Variants in TUBGCP3 observed in about 807,000 individuals in gnomAD.
TUBGCP3 encodes the protein tubulin gamma complex component 3, also known as gamma-tubulin complex component 3.
A neutral mutation model predicts 123.1 loss-of-function variants in TUBGCP3; 50 were observed. The observed-to-expected ratio is 0.41, with a 90% CI of 0.32 to 0.51. The LOEUF is 0.51. Among genes scored for constraint, TUBGCP3 ranks in the 20% least tolerant of loss-of-function variants. The pLI, the probability that TUBGCP3 is intolerant of heterozygous loss-of-function variation, is 0.36. For missense variants in TUBGCP3, 882 were observed against 1,127.0 expected, an observed-to-expected ratio of 0.78 and a Z score of 3.11; for synonymous variants, 405 against 413.9, an observed-to-expected ratio of 0.98 and a Z score of 0.26.
chr13:112,504,745 A>C (rs1271077135), intron 17 of TUBGCP3, 31 bp from the exon 18 acceptor site: 8 of 1,571,538 alleles, frequency 5.1e-6, no homozygotes, highest in Non-Finnish European at 7.0e-6. Flanking sequence ...TCAGAGGTGC[A>C]ATGCAAGTAC....
chr13:112,552,400 C>T (rs552156130), intron 8 of TUBGCP3, among the ~76,000 whole-genome samples: 1 of 152,342 alleles, frequency 6.6e-6, no homozygotes, highest in East Asian at 1.9e-4. Context: ...CCTGAGGGGA[C>T]GGCCCACCAG....
At chr13:112,551,629 A>G (rs974653962) in intron 8 of TUBGCP3, among the ~76,000 whole-genome samples, 1 of 152,214 alleles carries the variant, frequency 6.6e-6, no homozygotes, top group African/African-American at 2.4e-5. Flanking sequence ...ACCCTAGTCC[A>G]TACCTGCCAT....
intron 11 of TUBGCP3, among the ~76,000 whole-genome samples, chr13:112,535,075 C>T (rs961052085): frequency 6.6e-6 from 1 of 152,190 alleles, no homozygotes; most frequent in Non-Finnish European, 1.5e-5. Context: ...CTTCACAGAG[C>T]ACAATGTTCT....
intron 1 of TUBGCP3, among the ~76,000 whole-genome samples, chr13:112,572,534 C>T (rs1881491910): frequency 6.6e-6 from 1 of 151,956 alleles, no homozygotes; most frequent in African/African-American, 2.4e-5. Context: ...TTCTGTTGAT[C>T]ACTAATTTCA....
rs147808024 is a variant in TUBGCP3, at chr13:112,553,998, T to G, written c.966+59A>C. The G allele has an allele frequency of 3.4e-4, 539 of 1,575,224 alleles. 5 individuals are homozygous for G. The East Asian group carries it at 0.011, about 31-fold the overall frequency. On this transcript the variant is annotated intron_variant, in intron 8 of 21. Transcript: ENST00000261965. ...AGCTATTTCACAGTAAGATTTCAAC[T>G]AGAGTAAGCGTTTCCCAAAGTGCGC...
At position 112,514,576 on chromosome 13, in the gene TUBGCP3, T is replaced by C. The variant is rs1875918492; in HGVS notation, c.2086+1864A>G. 3.3e-5 allele frequency among the ~76,000 whole-genome samples: 5 copies of C among 152,238 alleles called. No homozygotes were observed. The South Asian group carries it at 1.0e-3, about 31-fold the overall frequency. ...TGAAATGAACTTCCATTTTCACCTA[T>C]GAATTGACAATTTATTTGAATTAAT... On this transcript the variant is annotated intron_variant, in intron 17 of 21. Transcript: ENST00000261965.
Position 112,556,043 on chromosome 13 carries a change from C to T in TUBGCP3, c.721+9G>A. On this transcript the variant is annotated intron_variant, in intron 6 of 21. Transcript: ENST00000261965. Reference sequence around the variant, plus strand: ...CAGAAAAGCTGTATTAACATAGATCCTTACTCACCACCCGTATCCCCTTCT... The same window carrying T: ...CAGAAAAGCTGTATTAACATAGATCTTTACTCACCACCCGTATCCCCTTCT... The T allele has an allele frequency of 6.2e-7, 1 of 1,609,504 alleles. No homozygotes were observed. Among genetic ancestry groups the T allele is most frequent in the African/African-American group, 1.3e-5 (1 of 74,960 alleles).
chr13:112,563,139 C>A (rs1229631457), intron 3 of TUBGCP3, among the ~76,000 whole-genome samples: 1 of 152,232 alleles, frequency 6.6e-6, no homozygotes, highest in African/African-American at 2.4e-5. Flanking sequence ...CCCGTCTCCA[C>A]GTCAACCTGG....
chr13:112,578,517 C>T (rs984016042), intron 1 of TUBGCP3, among the ~76,000 whole-genome samples: 2 of 133,968 alleles, frequency 1.5e-5, no homozygotes, highest in African/African-American at 6.0e-5. Flanking sequence ...CGGGATAGCG[C>T]CACTGCAGTC....
At chr13:112,598,530 G>A in the TUBGCP3 span, among the ~76,000 whole-genome samples, 3 of 152,246 alleles carry the variant, frequency 2.0e-5, no homozygotes, top group East Asian at 5.8e-4. Context: ...CCTTTGAAAT[G>A]TCCTAAAAGA....
intron 10 of TUBGCP3, 170 bp downstream of exon 10, chr13:112,547,450 A>C: frequency 2.6e-6 from 3 of 1,163,004 alleles, no homozygotes; most frequent in Non-Finnish European, 3.3e-6. Context: ...ACACAAAAGC[A>C]AGCCTGGATG....
At chr13:112,580,614 C>T (rs751321044) in intron 1 of TUBGCP3, among the ~76,000 whole-genome samples, 5 of 152,156 alleles carry the variant, frequency 3.3e-5, no homozygotes, top group Non-Finnish European at 7.3e-5. Context: ...AATTTCAGAA[C>T]ATGCAGGATT....
the TUBGCP3 span, among the ~76,000 whole-genome samples, chr13:112,598,753 G>A: frequency 6.6e-6 from 1 of 151,984 alleles, no homozygotes. Context: ...GACCATCCTG[G>A]CTAACATGGT....
upstream of TUBGCP3, among the ~76,000 whole-genome samples, chr13:112,588,628 G>A (rs1405695402): frequency 6.6e-6 from 1 of 152,160 alleles, no homozygotes; most frequent in Non-Finnish European, 1.5e-5. Context: ...GGGTAACTGG[G>A]ACGTCCTGGG....
intron 11 of TUBGCP3, among the ~76,000 whole-genome samples, chr13:112,542,093 T>C (rs1483268847): frequency 6.6e-6 from 1 of 151,784 alleles, no homozygotes; most frequent in African/African-American, 2.4e-5. Context: ...GTATTTCTCA[T>C]AAATCTACAC....
intron 10 of TUBGCP3, 57 bp downstream of exon 10, chr13:112,547,563 C>T (rs772419217): frequency 4.5e-6 from 6 of 1,340,016 alleles, no homozygotes; most frequent in Admixed American, 2.8e-5. Context: ...GTGGGAAAGT[C>T]GCGCGTGGGA....
At chr13:112,509,367 T>C (rs950803367) in intron 17 of TUBGCP3, among the ~76,000 whole-genome samples, 1 of 152,322 alleles carries the variant, frequency 6.6e-6, no homozygotes, top group African/African-American at 2.4e-5. Context: ...CAGGGAGCAC[T>C]AAGTGGGCCC....
Position 112,556,138 on chromosome 13 carries a change from G to A in TUBGCP3, c.635C>T (p.Pro212Leu), listed in dbSNP as rs1478274169. The A allele has an allele frequency of 6.2e-7, 1 of 1,614,054 alleles. No individual in the cohort carries two copies. The highest frequency in any genetic ancestry group is 8.5e-7 in the Non-Finnish European group (1 of 1,179,986). ...TTTTGAGGTAGTGGCTTGTGAAGAA[G>A]GCTGATTTGCAGTTAAAGTCCATGC... ...RLAWTLTANQPSSQATTSKGV... is the reference protein window; with the variant it reads ...RLAWTLTANQLSSQATTSKGV... The change falls in exon 6 of 22, where the codon CCT becomes CTT. Residue 212 changes from proline (P) to leucine (L), a missense_variant. Around this residue, in one of 3 missense-constraint regions of TUBGCP3, gnomAD observed 713 missense variants for 874.0 expected, o/e 0.82. Coordinates refer to ENST00000261965, the MANE Select transcript of TUBGCP3 (RefSeq NM_006322.6).
chr13:112,502,567 A>T (rs1880995369), intron 19 of TUBGCP3, among the ~76,000 whole-genome samples: 1 of 128,264 alleles, frequency 7.8e-6, no homozygotes, highest in African/African-American at 3.1e-5. Context: ...TTTTTTTGAG[A>T]CAGAGTCTCG....
Sources: allele counts gnomAD v4.1 joint callset (sites outside exome capture counted in the v4.1 genomes callset), GRCh38; gene constraint gnomAD v4.1.1; regional missense constraint gnomAD v4.1.1; transcripts MANE v1.5; gene names NCBI Gene and HGNC (gene_info 2026-07-23, HGNC 2026-07-21).